APC: variants seen among roughly 807,000 people sequenced by gnomAD.
The protein encoded by APC is APC regulator of Wnt signaling pathway.
Under a neutral mutation model 247.0 loss-of-function variants are expected in APC, and 72 were observed. That is an observed-to-expected ratio of 0.29 (90% CI 0.24 to 0.35). The LOEUF is 0.35. APC is among the 10% of genes least tolerant of loss of function. The probability of loss-of-function intolerance (pLI) is 1.00; values close to 1 mark genes in which losing one functional copy is unlikely to be tolerated. For missense variants in APC, 3,400 were observed against 3,360.7 expected (o/e 1.01, Z -0.29); for synonymous variants, 1,254 against 1,162.5 (o/e 1.08, Z -1.60).
chr5:112,841,497 C>T lies in APC; in HGVS notation c.5903C>T (p.Ser1968Phe), dbSNP rs760596580. ...NTPVCFSHNS[S>F]LSSLSDIDQE... Reference sequence around the variant, plus strand: ...CCGGTTTGCTTTTCTCATAATTCCTCTCTGAGTTCTCTCAGTGACATTGAC... The same window carrying T: ...CCGGTTTGCTTTTCTCATAATTCCTTTCTGAGTTCTCTCAGTGACATTGAC... The change falls in exon 16 of 16, where the codon TCT becomes TTT. Residue 1968 changes from serine to phenylalanine, a missense_variant. By Grantham distance (155) the Ser-to-Phe change is radical. This residue lies in a region of APC where 1,788 missense variants were observed against 1,649.5 expected (regional missense o/e 1.08). Coordinates refer to ENST00000257430, the MANE Select transcript of APC (RefSeq NM_000038.6). This position sits in a 1 kb window ranked among gnomAD's most constrained non-coding sequence, Gnocchi z 4.6. 2 of 1,613,468 alleles carry T rather than the reference C, an allele frequency of 1.2e-6. No homozygotes were observed. Among genetic ancestry groups the T allele is most frequent in the Non-Finnish European group, 1.7e-6 (2 of 1,179,510 alleles).
At chr5:112,828,104 C>A in intron 13 of APC, 98 bp downstream of exon 13, 2 of 947,924 alleles carry the variant, frequency 2.1e-6, no homozygotes, top group South Asian at 1.4e-5. Flanking sequence ...TGTGCAATCT[C>A]AGCTCACTGC....
At position 112,842,969 on chromosome 5, in the gene APC, T is replaced by A. The variant is rs1554088287; in HGVS notation, c.7375T>A (p.Ser2459Thr). The A allele has an allele frequency of 6.2e-7, 1 of 1,614,070 alleles. No homozygotes were observed. The highest frequency in any genetic ancestry group is 8.5e-7 in the Non-Finnish European group (1 of 1,179,932). ...AACCTTAAGAAGAAAATTGGAGGAA[T>A]CTGCTTCATTTGAATCTCTTTCTCC... Reference protein sequence around the residue: ...SPTLRRKLEESASFESLSPSS... With the variant: ...SPTLRRKLEETASFESLSPSS... Residue 2459 changes from serine to threonine, a missense_variant, in exon 16 of 16, where the codon TCT becomes ACT. Physicochemically the swap from Ser to Thr is moderately conservative, Grantham distance 58. Transcript: ENST00000257430.
rs912565312 is a variant in APC, at chr5:112,843,310, A to G, written c.7716A>G (p.Ser2572=). ...GGAGAAGAACTGGAAGTTCATCTTC[A>G]ATTCTTTCTGCTTCATCAGAATCCA... The part of the protein sequence containing the change: ...STWRRTGSSS[S]ILSASSESSE... Residue 2572 remains serine, a synonymous_variant, in exon 16 of 16, where the codon TCA becomes TCG. Coordinates refer to ENST00000257430, the MANE Select transcript of APC (RefSeq NM_000038.6). This position sits in a 1 kb window ranked among gnomAD's most constrained non-coding sequence, Gnocchi z 4.8. 1.2e-6 allele frequency: 2 copies of G among 1,613,568 alleles called. No individual in the cohort carries two copies. The highest frequency in any genetic ancestry group is 2.7e-5 in the African/African-American group (2 of 74,896).
intron 14 of APC, among the ~76,000 whole-genome samples, chr5:112,832,543 A>G (rs1168139680): frequency 6.6e-6 from 1 of 152,258 alleles, no homozygotes; most frequent in Non-Finnish European, 1.5e-5. Context: ...TTGCTGTGAC[A>G]TTCAAGGCCT....
rs876659470 is a variant in APC, at chr5:112,767,326, A to G, written c.358A>G (p.Arg120Gly). The G allele has an allele frequency of 6.2e-7, 1 of 1,614,188 alleles. No homozygotes were observed. Among genetic ancestry groups the G allele is most frequent in the Non-Finnish European group, 8.5e-7 (1 of 1,180,026 alleles). ...CSPVPMGSFP[R>G]RGFVNGSRES... ...TCCTGTTCCTATGGGTTCATTTCCAAGAAGAGGGTTTGTAAATGGAAGCAG... is the reference window on the plus strand; with the variant it reads ...TCCTGTTCCTATGGGTTCATTTCCAGGAAGAGGGTTTGTAAATGGAAGCAG... The change falls in exon 4 of 16, where the codon AGA (arginine) becomes GGA (glycine). Residue 120 changes from arginine to glycine, a missense_variant. This residue lies in a region of APC where 372 missense variants were observed against 367.6 expected (regional missense o/e 1.01). Transcript: ENST00000257430.
intron 1 of APC, among the ~76,000 whole-genome samples, chr5:112,722,696 A>G (rs934796096): frequency 6.6e-6 from 1 of 152,098 alleles, no homozygotes; most frequent in East Asian, 1.9e-4. Flanking sequence ...GCTTATATTT[A>G]CTGGTTTACT....
chr5:112,755,379 G>A (rs1346770292), intron 2 of APC, among the ~76,000 whole-genome samples: 1 of 152,120 alleles, frequency 6.6e-6, no homozygotes, highest in East Asian at 1.9e-4. Flanking sequence ...ATTAAGTGTA[G>A]CCTTCCTCCC....
intron 13 of APC, among the ~76,000 whole-genome samples, chr5:112,828,321 AT>A (rs1219962557): frequency 6.6e-6 from 1 of 151,972 alleles, no homozygotes; most frequent in African/African-American, 2.4e-5. Context: ...TAATATCCTG[AT>A]TTAGATTGTT....
At position 112,840,513 on chromosome 5, in the gene APC, G is replaced by A. The variant is rs529480958; in HGVS notation, c.4919G>A (p.Arg1640Gln). Residue 1640 changes from arginine to glutamine, a missense_variant, in exon 16 of 16, where the codon CGG (arginine) becomes CAG (glutamine). By Grantham distance (43) the Arg-to-Gln change is conservative (BLOSUM62 1). Coordinates refer to ENST00000257430, the MANE Select transcript of APC (RefSeq NM_000038.6). This position sits in a 1 kb window ranked among gnomAD's most constrained non-coding sequence, Gnocchi z 4.1. ...VSFTPGDDMP[R>Q]VYCVEGTPIN... is the part of the protein sequence containing the mutation. ...TTTACACCGGGGGATGATATGCCAC[G>A]GGTGTATTGTGTTGAAGGGACACCT... 6.8e-5 allele frequency: 110 copies of A among 1,614,126 alleles called. 1 individual carries two copies. In the South Asian group the frequency reaches 1.1e-3, roughly 16 times the overall value.
At chr5:112,786,380 A>C (rs1339552308) in intron 6 of APC, among the ~76,000 whole-genome samples, 1 of 152,176 alleles carries the variant, frequency 6.6e-6, no homozygotes, top group Non-Finnish European at 1.5e-5. Context: ...GTGCCTACCT[A>C]TGTGAGATTG....
intron 1 of APC, 106 bp from the exon 2 acceptor site, chr5:112,754,764 ATTC>A (rs1431567373): frequency 2.2e-5 from 23 of 1,042,226 alleles, no homozygotes; most frequent in African/African-American, 1.9e-4. Flanking sequence ...TATTAACACA[ATTC>A]TTCTTAAACG....
chr5:112,835,505 A>G (rs893344872), intron 15 of APC, among the ~76,000 whole-genome samples: 2 of 152,020 alleles, frequency 1.3e-5, no homozygotes, highest in Non-Finnish European at 2.9e-5. Context: ...GACAAAAACT[A>G]TGAGCGTGAT....
intron 1 of APC, among the ~76,000 whole-genome samples, chr5:112,724,408 T>C (rs1751655691): frequency 6.6e-6 from 1 of 152,072 alleles, no homozygotes; most frequent in Admixed American, 6.5e-5. Flanking sequence ...GTATGAGAGG[T>C]AGTTCATTCA....
chr5:112,799,144 A>G (rs1470860265), intron 7 of APC, among the ~76,000 whole-genome samples: 2 of 134,258 alleles, frequency 1.5e-5, no homozygotes, highest in Non-Finnish European at 3.1e-5. Flanking sequence ...AGATTGCGCC[A>G]TTGCACTCCA....
At chr5:112,814,150 A>T (rs181557352) in intron 8 of APC, among the ~76,000 whole-genome samples, 64 of 152,360 alleles carry the variant, frequency 4.2e-4, no homozygotes, top group South Asian at 1.0e-3. Flanking sequence ...CCATTCTGCA[A>T]GGTTGAGAAC....
intron 1 of APC, among the ~76,000 whole-genome samples, chr5:112,713,179 A>T (rs1349267040): frequency 1.3e-5 from 2 of 151,948 alleles, no homozygotes; most frequent in African/African-American, 2.4e-5. Flanking sequence ...GCAAAAAAAA[A>T]AAAAAAACCA....
Position 112,842,360 on chromosome 5 carries a change from C to T in APC, c.6766C>T (p.Pro2256Ser), listed in dbSNP as rs1253813996. Residue 2256 changes from proline (P) to serine (S), a missense_variant, in exon 16 of 16, where the codon CCA becomes TCA. Physicochemically the swap from Pro to Ser is moderately conservative, Grantham distance 74. Transcript: ENST00000257430. Reference protein sequence around the residue: ...VSKKGPPLKTPASKSPSEGQT... With the variant: ...VSKKGPPLKTSASKSPSEGQT... ...TAAAAAAGGCCCACCCCTTAAGACT[C>T]CAGCCTCCAAAAGCCCTAGTGAAGG... The T allele has an allele frequency of 6.2e-7, 1 of 1,614,010 alleles. No homozygotes were observed. The highest frequency in any genetic ancestry group is 8.5e-7 in the Non-Finnish European group (1 of 1,179,920).
chr5:112,836,172 C>A (rs1231455293), intron 15 of APC, among the ~76,000 whole-genome samples: 1 of 71,886 alleles, frequency 1.4e-5, no homozygotes, highest in African/African-American at 4.2e-5. Context: ...AGGTCCCCCC[C>A]CCCCCCCGCC....
rs1487496282 is a variant in APC, at chr5:112,846,010, A to AT, written c.*1892dup. 1.3e-5 allele frequency: 3 copies of AT among 231,698 alleles called. No individual in the cohort carries two copies. Among genetic ancestry groups the AT allele is most frequent in the Non-Finnish European group, 8.5e-6 (1 of 117,266 alleles). The allele number at this position is 231,698 out of a possible 1,614,324, so 14.4% of individuals were successfully genotyped here. A position where few individuals can be genotyped will look rare whatever the true frequency, so the allele number is the denominator to read the frequency against. On this transcript the variant is annotated 3_prime_UTR_variant, in exon 16 of 16. Transcript: ENST00000257430. ...TTATAACTTCCAGGTAATGAGAATG[A>AT]TTTTTTTTAAAGCTAAAATGCCAGT...
Sources: gnomAD v4.1 joint callset for allele counts (sites outside exome capture counted in the v4.1 genomes callset) on GRCh38, gnomAD v4.1.1 for gene constraint, gnomAD v4.1.1 regional missense constraint, Gnocchi (gnomAD v3.1) non-coding constraint, MANE v1.5 for transcripts, NCBI Gene and HGNC (gene_info 2026-07-23, HGNC 2026-07-21) for gene names.